ATP8A2: variants seen among roughly 807,000 people sequenced by gnomAD.
The protein encoded by ATP8A2 is phospholipid-transporting ATPase IB.
Under a neutral mutation model 165.6 loss-of-function variants are expected in ATP8A2, and 100 were observed. The ratio of observed to expected loss-of-function variants is 0.60; its 90% confidence interval spans 0.51 to 0.71. ATP8A2 has a LOEUF of 0.71. Ranked by LOEUF, ATP8A2 falls within the 30% of genes least tolerant of loss-of-function variation. ATP8A2 has a pLI of 0.00. For missense variants in ATP8A2, 1,227 were observed against 1,479.5 expected (o/e 0.83, Z 2.80); for synonymous variants, 543 against 548.8 (o/e 0.99, Z 0.15).
intron 35 of ATP8A2, among the ~76,000 whole-genome samples, chr13:25,973,570 G>A (rs977833931): frequency 5.3e-5 from 8 of 152,086 alleles, no homozygotes; most frequent in Non-Finnish European, 5.9e-5. Flanking sequence ...AAAACCAGTC[G>A]TATTAAAAAA....
intron 33 of ATP8A2, among the ~76,000 whole-genome samples, chr13:25,960,242 A>G (rs920078456): frequency 2.6e-5 from 4 of 152,164 alleles, no homozygotes; most frequent in Admixed American, 6.5e-5. Flanking sequence ...GCTGCAGTGC[A>G]TTTGGCCGTC....
intron 2 of ATP8A2, among the ~76,000 whole-genome samples, chr13:25,472,478 G>A (rs1273538641): frequency 4.0e-5 from 6 of 151,756 alleles, no homozygotes; most frequent in African/African-American, 1.5e-4. Context: ...TATTATTTTA[G>A]CACTTTAATG....
chr13:25,842,626 C>T (rs1380479822), intron 30 of ATP8A2, among the ~76,000 whole-genome samples: 2 of 149,978 alleles, frequency 1.3e-5, no homozygotes, highest in African/African-American at 4.9e-5. Context: ...GAGCCAAGAT[C>T]GTGCCACTGC....
chr13:25,809,629 G>A (rs561752046), intron 27 of ATP8A2, among the ~76,000 whole-genome samples: 10 of 152,054 alleles, frequency 6.6e-5, no homozygotes, highest in Non-Finnish European at 1.5e-4. Flanking sequence ...GCTCCCAAAT[G>A]TTCTGTTCCC....
intron 33 of ATP8A2, among the ~76,000 whole-genome samples, chr13:25,930,840 A>T (rs1295779810): frequency 6.6e-6 from 1 of 152,170 alleles, no homozygotes. Context: ...GTCTGGCTGC[A>T]GCCGACCTGT....
intron 35 of ATP8A2, among the ~76,000 whole-genome samples, chr13:25,985,668 C>T (rs906727404): frequency 6.6e-6 from 1 of 152,210 alleles, no homozygotes; most frequent in Non-Finnish European, 1.5e-5. Flanking sequence ...GTGGAAATAA[C>T]AGGGAGGTGA....
At chr13:25,871,683 A>G (rs1032997959) in intron 33 of ATP8A2, among the ~76,000 whole-genome samples, 9 of 152,282 alleles carry the variant, frequency 5.9e-5, no homozygotes, top group South Asian at 4.1e-4. Context: ...TTCAGTGACT[A>G]TTGCTTACAT....
chr13:25,448,104 GC>G (rs2035118184), intron 1 of ATP8A2, among the ~76,000 whole-genome samples: 1 of 152,178 alleles, frequency 6.6e-6, no homozygotes. Context: ...CTCATTTAGG[GC>G]CATGGGTCCA....
At chr13:25,960,694 G>GT (rs752017981) in intron 33 of ATP8A2, among the ~76,000 whole-genome samples, 49 of 151,958 alleles carry the variant, frequency 3.2e-4, no homozygotes, top group Non-Finnish European at 6.6e-4. Context: ...CCCCATCTCT[G>GT]TTCAGAGTAA....
chr13:25,892,503 T>TCTCTCTCTCTCC (rs1275257585), intron 33 of ATP8A2, among the ~76,000 whole-genome samples: 2 of 150,466 alleles, frequency 1.3e-5, no homozygotes, highest in African/African-American at 4.9e-5. Context: ...TCTCTCTCTC[T>TCTCTCTCTCTCC]CCTTCCACCT....
intron 2 of ATP8A2, among the ~76,000 whole-genome samples, chr13:25,507,473 C>T (rs2037086551): frequency 6.6e-6 from 1 of 151,988 alleles, no homozygotes; most frequent in African/African-American, 2.4e-5. Flanking sequence ...ACCATGTTGG[C>T]CAGGCTGGTC....
intron 25 of ATP8A2, among the ~76,000 whole-genome samples, chr13:25,756,349 C>T (rs1257021886): frequency 1.6e-5 from 2 of 128,044 alleles, no homozygotes; most frequent in East Asian, 2.3e-4. Context: ...TTTTTTGAGA[C>T]AGGGTCTTGC....
chr13:25,927,166 C>T (rs867626261), intron 33 of ATP8A2: 48 of 456,772 alleles, frequency 1.1e-4, no homozygotes, highest in African/African-American at 8.2e-4. Context: ...GGATATTGCC[C>T]TCCGTGCTGC....
intron 24 of ATP8A2, among the ~76,000 whole-genome samples, chr13:25,622,536 T>G (rs779323519): frequency 2.0e-5 from 3 of 152,128 alleles, no homozygotes; most frequent in Non-Finnish European, 4.4e-5. Flanking sequence ...AACAGAAATG[T>G]TTATACAGGG....
intron 10 of ATP8A2, among the ~76,000 whole-genome samples, chr13:25,543,968 T>C (rs538845556): frequency 1.3e-5 from 2 of 152,388 alleles, no homozygotes; most frequent in East Asian, 3.9e-4. Flanking sequence ...TCAGTGTCCC[T>C]GTATGTCATT....
At chr13:26,012,210 T>A (rs560892595) in intron 35 of ATP8A2, among the ~76,000 whole-genome samples, 1 of 152,270 alleles carries the variant, frequency 6.6e-6, no homozygotes, top group South Asian at 2.1e-4. Context: ...GCGGAGATGT[T>A]TACCCGGAAA....
At chr13:25,800,980 A>G (rs1354319067) in intron 27 of ATP8A2, among the ~76,000 whole-genome samples, 1 of 152,138 alleles carries the variant, frequency 6.6e-6, no homozygotes, top group Non-Finnish European at 1.5e-5. Context: ...CCGTCAGGAA[A>G]AGGATGCTTC....
At chr13:25,648,848 G>A (rs1019894063) in intron 24 of ATP8A2, among the ~76,000 whole-genome samples, 5 of 152,116 alleles carry the variant, frequency 3.3e-5, no homozygotes, top group Admixed American at 2.0e-4. Flanking sequence ...GTTTTGTATT[G>A]TTTCTTTCTG....
intron 33 of ATP8A2, among the ~76,000 whole-genome samples, chr13:25,888,155 G>C (rs1239658372): frequency 6.8e-6 from 1 of 146,364 alleles, no homozygotes; most frequent in Admixed American, 7.1e-5. Context: ...CACAGCACAG[G>C]CCAGCTAGAC....
Sources: gnomAD v4.1 joint callset for allele counts (sites outside exome capture counted in the v4.1 genomes callset) on GRCh38, gnomAD v4.1.1 for gene constraint, MANE v1.5 for transcripts, NCBI Gene and HGNC (gene_info 2026-07-23, HGNC 2026-07-21) for gene names.